The following MCTP1 variants were observed in gnomAD, a reference collection of about 807,000 sequenced individuals.
MCTP1 encodes multiple C2 and transmembrane domain-containing protein 1.
MCTP1 carries 69 observed loss-of-function variants against 120.6 expected under a neutral mutation model. The ratio of observed to expected loss-of-function variants is 0.57; its 90% CI spans 0.47 to 0.70. MCTP1 has a LOEUF of 0.70. MCTP1 is among the 30% of genes least tolerant of loss of function. MCTP1 has a pLI of 0.00. For missense variants in MCTP1, 1,203 were observed against 1,248.8 expected (o/e 0.96, Z 0.55); for synonymous variants, 529 against 493.1 (o/e 1.07, Z -0.96).
In MCTP1 at chr5:94,940,207, A is replaced by C; in HGVS notation, c.1062-12T>G. 4.6e-6 allele frequency: 7 copies of C among 1,513,790 alleles called. No individual in the cohort carries two copies. The highest frequency in any genetic ancestry group is 6.3e-6 in the Non-Finnish European group (7 of 1,103,034). The allele number at this position is 1,513,790 out of a possible 1,614,324, so 93.8% of individuals were successfully genotyped here. A position where few individuals can be genotyped will look rare whatever the true frequency, so the allele number is the denominator to read the frequency against. On this transcript the variant is annotated splice_polypyrimidine_tract_variant and intron_variant, in intron 4 of 22. Coordinates refer to ENST00000515393, the MANE Select transcript of MCTP1 (RefSeq NM_024717.7). ...TCACATCTGTGGGCCTGTGATAGAA[A>C]ATATTTAGATTTTGAACAGTCATTA...
At chr5:94,964,555 C>T (rs1054687841) in intron 2 of MCTP1, among the ~76,000 whole-genome samples, 2 of 152,158 alleles carry the variant, frequency 1.3e-5, no homozygotes, top group Admixed American at 6.5e-5. Flanking sequence ...TATATATTTA[C>T]AATTGTTATG....
chr5:95,104,247 TG>T (rs1219712298), intron 1 of MCTP1, among the ~76,000 whole-genome samples: 1 of 152,196 alleles, frequency 6.6e-6, no homozygotes, highest in Admixed American at 6.5e-5. Context: ...TTAAAATAGC[TG>T]TCTAAACGCA....
chr5:95,229,111 C>CA (rs1264425878), intron 1 of MCTP1, among the ~76,000 whole-genome samples: 4 of 152,228 alleles, frequency 2.6e-5, no homozygotes, highest in African/African-American at 9.6e-5. Context: ...TGGAGGACAC[C>CA]AATAGCTGAC....
chr5:94,901,488 C>T (rs1446456316), intron 10 of MCTP1, among the ~76,000 whole-genome samples: 1 of 152,058 alleles, frequency 6.6e-6, no homozygotes, highest in Non-Finnish European at 1.5e-5. Context: ...TTCTTTCTCT[C>T]TCACTCCCAC....
intron 1 of MCTP1, among the ~76,000 whole-genome samples, chr5:95,049,348 T>TACC (rs1745322519): frequency 6.6e-6 from 1 of 152,214 alleles, no homozygotes; most frequent in South Asian, 2.1e-4. Flanking sequence ...AGGCCTGAAT[T>TACC]ACCGCCCACC....
intron 1 of MCTP1, among the ~76,000 whole-genome samples, chr5:95,212,110 A>C (rs964099794): frequency 6.6e-6 from 1 of 152,172 alleles, no homozygotes; most frequent in Non-Finnish European, 1.5e-5. Context: ...CAAAATTGAC[A>C]GACTGCTAGC....
At position 94,929,897 on chromosome 5, in the gene MCTP1, T is replaced by TCA. The variant is rs541227429; in HGVS notation, c.1212+2054_1212+2055dup. Among the ~76,000 whole-genome samples the TCA allele has an allele frequency of 7.7e-4, 117 of 152,326 alleles. 3 individuals are homozygous for TCA. The South Asian group carries it at 0.024, about 31-fold the overall frequency. ...ATCAAATGAGTTAACTGATTTTACT[T>TCA]CACTTAGTATTCAATATCCCCATTA... On this transcript the variant is annotated intron_variant, in intron 6 of 22. Transcript: ENST00000515393.
rs78900168 is a variant in MCTP1, at chr5:95,081,380, A to C, written c.721-63896T>G. 8.9e-3 allele frequency: 13,904 copies of C among 1,562,086 alleles called. 101 individuals carry two copies. The highest frequency in any genetic ancestry group is 0.017 in the African/African-American group (1,238 of 74,024). ...ATCATATACCTAAACTGCCACATTA[A>C]TTTAAGGCTACCACAATCCAGTGAG... On this transcript the variant is annotated intron_variant, in intron 1 of 22. Coordinates refer to ENST00000515393, the MANE Select transcript of MCTP1 (RefSeq NM_024717.7).
chr5:95,219,510 CAAAT>C (rs1753445497), intron 1 of MCTP1, among the ~76,000 whole-genome samples: 1 of 151,900 alleles, frequency 6.6e-6, no homozygotes, highest in South Asian at 2.1e-4. Context: ...TGATGATACT[CAAAT>C]GAATTAAATT....
intron 17 of MCTP1, among the ~76,000 whole-genome samples, chr5:94,851,995 AATTTT>A (rs1793837714): frequency 1.3e-5 from 2 of 151,908 alleles, no homozygotes; most frequent in South Asian, 4.1e-4. Context: ...TAATGATCTT[AATTTT>A]ATTTTAATTA....
At chr5:95,030,193 C>T (rs1389843445) in intron 1 of MCTP1, among the ~76,000 whole-genome samples, 2 of 152,162 alleles carry the variant, frequency 1.3e-5, no homozygotes, top group African/African-American at 4.8e-5. Flanking sequence ...AGAAGCAGAT[C>T]ACATACCTGT....
intron 1 of MCTP1, among the ~76,000 whole-genome samples, chr5:95,108,645 G>T (rs958510400): frequency 1.3e-5 from 2 of 152,174 alleles, no homozygotes; most frequent in African/African-American, 4.8e-5. Flanking sequence ...AGCTGGCCTT[G>T]CTAACAATTG....
At chr5:95,034,999 G>A (rs1840996511) in intron 1 of MCTP1, among the ~76,000 whole-genome samples, 1 of 151,980 alleles carries the variant, frequency 6.6e-6, no homozygotes, top group South Asian at 2.1e-4. Context: ...TCAAAGAAAT[G>A]CAAATTAAAA....
chr5:94,928,174 C>A (rs1813641281), intron 6 of MCTP1, among the ~76,000 whole-genome samples: 1 of 150,194 alleles, frequency 6.7e-6, no homozygotes, highest in South Asian at 2.1e-4. Context: ...ATTATCTCAC[C>A]TTTACCCATT....
At chr5:94,849,340 T>TA (rs1793162573) in intron 17 of MCTP1, among the ~76,000 whole-genome samples, 1 of 152,194 alleles carries the variant, frequency 6.6e-6, no homozygotes, top group Non-Finnish European at 1.5e-5. Flanking sequence ...ACAAAACAGA[T>TA]ACTTTATTCT....
intron 1 of MCTP1, among the ~76,000 whole-genome samples, chr5:95,211,248 T>C (rs892305062): frequency 6.6e-5 from 10 of 152,138 alleles, no homozygotes; most frequent in African/African-American, 2.4e-5. Context: ...GAAGTTCTCC[T>C]GGATAATATC....
At chr5:94,709,097 C>T (rs1485486840) in intron 21 of MCTP1, 1 of 151,664 alleles carries the variant, frequency 6.6e-6, no homozygotes, top group Non-Finnish European at 1.5e-5. Context: ...TTTTTCAAAC[C>T]TGAAATGAAA....
intron 1 of MCTP1, among the ~76,000 whole-genome samples, chr5:95,052,916 C>T (rs533757756): frequency 1.4e-4 from 21 of 152,186 alleles, no homozygotes; most frequent in Admixed American, 1.1e-3. Flanking sequence ...CAATTCTGGC[C>T]GTTCAACATT....
At chr5:95,130,308 G>T (rs767932773) in intron 1 of MCTP1, among the ~76,000 whole-genome samples, 2 of 152,146 alleles carry the variant, frequency 1.3e-5, no homozygotes, top group African/African-American at 2.4e-5. Flanking sequence ...GAATCTTTGA[G>T]GTAAATGAGG....
Sources: gnomAD v4.1 joint callset for allele counts (sites outside exome capture counted in the v4.1 genomes callset) on GRCh38, gnomAD v4.1.1 for gene constraint, MANE v1.5 for transcripts, NCBI Gene and HGNC (gene_info 2026-07-23, HGNC 2026-07-21) for gene names.